Variants in FTCDNL1 observed in about 807,000 individuals in gnomAD.
The protein encoded by FTCDNL1 is formiminotransferase cyclodeaminase N-terminal like.
A neutral mutation model predicts 5.9 loss-of-function variants in FTCDNL1; 11 were observed. The observed-to-expected ratio is 1.87, with a 90% CI of 1.18 to 3.10. The LOEUF (loss-of-function observed/expected upper bound fraction) is 3.10, where lower values mean the gene tolerates loss of function less well. FTCDNL1 is among the 30% of genes most tolerant of loss of function. The pLI is 0.00. For missense variants in FTCDNL1, 115 were observed against 65.5 expected (o/e 1.76, Z -2.61); for synonymous variants, 58 against 24.8 (o/e 2.34, Z -3.99).
At chr2:199,771,296 G>T (rs1698797125) in intron 3 of FTCDNL1, among the ~76,000 whole-genome samples, 1 of 152,102 alleles carries the variant, frequency 6.6e-6, no homozygotes, top group South Asian at 2.1e-4. Context: ...GTGGGTTTCA[G>T]ACAATGAGTA....
chr2:199,846,950 A>G (rs2076748362), intron 2 of FTCDNL1, among the ~76,000 whole-genome samples: 1 of 152,206 alleles, frequency 6.6e-6, no homozygotes, highest in Non-Finnish European at 1.5e-5. Context: ...ATGCTATTAT[A>G]CCTTGTCTCC....
the FTCDNL1 span, among the ~76,000 whole-genome samples, chr2:199,699,730 C>G: frequency 1.3e-5 from 2 of 152,300 alleles, no homozygotes; most frequent in African/African-American, 4.8e-5. Flanking sequence ...TTTTGGGATG[C>G]AAGGTTGGTT....
the FTCDNL1 span, among the ~76,000 whole-genome samples, chr2:199,678,801 A>T: frequency 6.6e-6 from 1 of 152,220 alleles, no homozygotes. Flanking sequence ...ATTTCTAGTA[A>T]ATCAGTTACA....
chr2:199,685,978 A>G, the FTCDNL1 span, among the ~76,000 whole-genome samples: 1 of 152,248 alleles, frequency 6.6e-6, no homozygotes, highest in East Asian at 1.9e-4. Flanking sequence ...GTTACAGAAC[A>G]TAAATTCTAC....
At position 199,832,467 on chromosome 2, in the gene FTCDNL1, T is replaced by A. The variant is rs1198374144; in HGVS notation, c.212-12710A>T. On this transcript the variant is annotated intron_variant, in intron 3 of 4. Transcript: ENST00000420128. Reference sequence around the variant, plus strand: ...TTCACAAACACGTCTCCATTTATTTTCATAATATTTCTCTGAAATAGGTAC... The same window carrying A: ...TTCACAAACACGTCTCCATTTATTTACATAATATTTCTCTGAAATAGGTAC... 2.0e-5 allele frequency among the ~76,000 whole-genome samples: 3 copies of A among 152,224 alleles called. No homozygotes were observed. In the South Asian group the frequency reaches 6.2e-4, roughly 32 times the overall value.
At chr2:199,850,314 A>G (rs1224415313) in intron 1 of FTCDNL1, among the ~76,000 whole-genome samples, 1 of 152,178 alleles carries the variant, frequency 6.6e-6, no homozygotes, top group African/African-American at 2.4e-5. Flanking sequence ...TCTGGTTTTC[A>G]TTTGTTTTCA....
At chr2:199,769,487 A>G (rs1178430794) in intron 3 of FTCDNL1, among the ~76,000 whole-genome samples, 1 of 144,382 alleles carries the variant, frequency 6.9e-6, no homozygotes, top group Non-Finnish European at 1.5e-5. Flanking sequence ...AGGCCCCCCC[A>G]GCCATGTGGA....
intron 3 of FTCDNL1, among the ~76,000 whole-genome samples, chr2:199,801,937 CAAAA>C (rs543444146): frequency 1.8e-5 from 2 of 112,046 alleles, no homozygotes. Context: ...GACTCCATCT[CAAAA>C]AAAAAAAAAA....
intron 3 of FTCDNL1, among the ~76,000 whole-genome samples, chr2:199,802,097 T>C (rs569980524): frequency 6.6e-6 from 1 of 152,114 alleles, no homozygotes; most frequent in Non-Finnish European, 1.5e-5. Context: ...AAAGGACATA[T>C]AACAAAGAAA....
At position 199,762,461 on chromosome 2, in the gene FTCDNL1, T is replaced by C. The variant is rs146688224; in HGVS notation, c.212-1626A>G. On this transcript the variant is annotated intron_variant, in intron 3 of 3. Transcript: ENST00000416668. ...TGGAACACATGCATCCCACAGGCCA[T>C]GGGTTGGACAAGCTTGGTTTAATGC... Among the ~76,000 whole-genome samples the C allele has an allele frequency of 3.5e-3, 533 of 152,312 alleles. 12 individuals carry two copies. The highest frequency in any genetic ancestry group is 0.013 in the African/African-American group (522 of 41,558).
the FTCDNL1 span, among the ~76,000 whole-genome samples, chr2:199,722,796 C>T: frequency 6.6e-6 from 1 of 152,180 alleles, no homozygotes; most frequent in East Asian, 1.9e-4. Context: ...TCTCTGATTT[C>T]CTTGAGCAGT....
the FTCDNL1 span, among the ~76,000 whole-genome samples, chr2:199,707,228 G>A: frequency 6.6e-6 from 1 of 152,178 alleles, no homozygotes; most frequent in African/African-American, 2.4e-5. Flanking sequence ...TCAATTTTCT[G>A]AAAGAATTTA....
At chr2:199,674,193 T>C in the FTCDNL1 span, among the ~76,000 whole-genome samples, 1 of 152,084 alleles carries the variant, frequency 6.6e-6, no homozygotes, top group Non-Finnish European at 1.5e-5. Flanking sequence ...AGGAAGAATG[T>C]CACTGAGTAG....
At chr2:199,750,108 C>G in the FTCDNL1 span, among the ~76,000 whole-genome samples, 1 of 151,516 alleles carries the variant, frequency 6.6e-6, no homozygotes, top group African/African-American at 2.4e-5. Context: ...GATCCCAACA[C>G]TTTGGGAGGC....
At chr2:199,779,884 A>T (rs894573775) in intron 3 of FTCDNL1, among the ~76,000 whole-genome samples, 11 of 152,214 alleles carry the variant, frequency 7.2e-5, no homozygotes, top group African/African-American at 2.7e-4. Context: ...CTGAAAGAAC[A>T]AACATGCAAG....
chr2:199,849,022 T>G, intron 1 of FTCDNL1, 53 bp from the exon 2 acceptor site: 1 of 669,080 alleles, frequency 1.5e-6, no homozygotes, highest in Non-Finnish European at 2.7e-6. Flanking sequence ...CATATTTTCA[T>G]GTTTTAACTA....
intron 4 of FTCDNL1, among the ~76,000 whole-genome samples, chr2:199,815,987 G>C (rs566717833): frequency 6.8e-6 from 1 of 148,026 alleles, no homozygotes; most frequent in Non-Finnish European, 1.5e-5. Context: ...GTGACAGAGC[G>C]AGACTCCATC....
the FTCDNL1 span, among the ~76,000 whole-genome samples, chr2:199,677,868 G>A: frequency 1.3e-5 from 2 of 152,196 alleles, no homozygotes; most frequent in Admixed American, 1.3e-4. Context: ...CAATACTGGA[G>A]ATGACAGTAC....
At chr2:199,720,539 T>G in the FTCDNL1 span, among the ~76,000 whole-genome samples, 1 of 152,218 alleles carries the variant, frequency 6.6e-6, no homozygotes, top group Admixed American at 6.5e-5. Flanking sequence ...TCATCCTTCC[T>G]TGCCTCTGCC....
Sources: gnomAD v4.1 joint callset for allele counts (sites outside exome capture counted in the v4.1 genomes callset) on GRCh38, gnomAD v4.1.1 for gene constraint, MANE v1.5 for transcripts, NCBI Gene and HGNC (gene_info 2026-07-23, HGNC 2026-07-21) for gene names.